SDK1: variants seen among roughly 807,000 people sequenced by gnomAD.
The protein encoded by SDK1 is protein sidekick-1.
SDK1 carries 157 observed loss-of-function variants against 245.5 expected under a neutral mutation model. That is an observed-to-expected ratio of 0.64 (90% CI 0.56 to 0.73). The LOEUF (loss-of-function observed/expected upper bound fraction) is 0.73, where lower values mean the gene tolerates loss of function less well. SDK1 is among the 30% of genes least tolerant of loss of function. The pLI is 0.00. For missense variants in SDK1, 3,583 were observed against 3,002.3 expected, an observed-to-expected ratio of 1.19 and a Z score of -4.52; for synonymous variants, 1,647 against 1,278.5, an observed-to-expected ratio of 1.29 and a Z score of -6.15.
At chr7:3,813,149 T>A (rs1779425462) in intron 4 of SDK1, among the ~76,000 whole-genome samples, 1 of 151,310 alleles carries the variant, frequency 6.6e-6, no homozygotes, top group African/African-American at 2.4e-5. Context: ...TTAGGGTACA[T>A]GTGCACATTG....
At chr7:3,705,301 T>C (rs1784852494) in intron 4 of SDK1, among the ~76,000 whole-genome samples, 1 of 152,094 alleles carries the variant, frequency 6.6e-6, no homozygotes, top group African/African-American at 2.4e-5. Context: ...TTCATGATAC[T>C]GATTCTTTCA....
At chr7:4,048,111 G>A (rs1188116834) in intron 17 of SDK1, among the ~76,000 whole-genome samples, 2 of 152,164 alleles carry the variant, frequency 1.3e-5, no homozygotes, top group Non-Finnish European at 1.5e-5. Flanking sequence ...TTTGGGGAAG[G>A]GAGCCGAGAA....
At chr7:3,757,654 T>A (rs183167593) in intron 4 of SDK1, among the ~76,000 whole-genome samples, 30 of 152,270 alleles carry the variant, frequency 2.0e-4, no homozygotes, top group African/African-American at 6.7e-4. Flanking sequence ...CCAAGCTCTC[T>A]CCAGGCGCAA....
At chr7:3,324,982 A>G (rs535412687) in intron 1 of SDK1, among the ~76,000 whole-genome samples, 9 of 152,280 alleles carry the variant, frequency 5.9e-5, no homozygotes, top group African/African-American at 2.2e-4. Flanking sequence ...TTCAAGCCAC[A>G]TATAGTGTGG....
chr7:3,794,237 C>T (rs1262169530), intron 4 of SDK1, among the ~76,000 whole-genome samples: 3 of 152,122 alleles, frequency 2.0e-5, no homozygotes, highest in African/African-American at 7.2e-5. Context: ...GCAGCATGGC[C>T]GAATGTCCCT....
intron 5 of SDK1, among the ~76,000 whole-genome samples, chr7:3,928,977 T>C (rs2128116478): frequency 6.6e-6 from 1 of 152,308 alleles, no homozygotes; most frequent in Non-Finnish European, 1.5e-5. Context: ...AAAACCTGTC[T>C]CACTAGACCC....
intron 2 of SDK1, among the ~76,000 whole-genome samples, chr7:3,624,096 C>T (rs757083103): frequency 6.6e-6 from 1 of 152,144 alleles, no homozygotes; most frequent in Non-Finnish European, 1.5e-5. Flanking sequence ...AAAGATGATA[C>T]TTATGTAGGA....
chr7:3,806,015 T>C (rs1237612365), intron 4 of SDK1, among the ~76,000 whole-genome samples: 1 of 152,162 alleles, frequency 6.6e-6, no homozygotes, highest in East Asian at 1.9e-4. Context: ...TATAGATCTC[T>C]GTTGCTACCA....
intron 1 of SDK1, among the ~76,000 whole-genome samples, chr7:3,568,209 G>C (rs550002078): frequency 1.3e-5 from 2 of 152,162 alleles, no homozygotes; most frequent in African/African-American, 4.8e-5. Flanking sequence ...TTAATATGTA[G>C]TTTAATATGC....
At chr7:3,927,859 A>C (rs550672690) in intron 5 of SDK1, among the ~76,000 whole-genome samples, 1 of 152,328 alleles carries the variant, frequency 6.6e-6, no homozygotes, top group East Asian at 1.9e-4. Flanking sequence ...GTTCTTTCCT[A>C]AGTTAACAAA....
chr7:3,434,312 A>AAG (rs1037134125), intron 1 of SDK1, among the ~76,000 whole-genome samples: 28 of 152,264 alleles, frequency 1.8e-4, no homozygotes, highest in African/African-American at 6.5e-4. Context: ...AGGAGCCTGT[A>AAG]AGAGAATTTC....
intron 1 of SDK1, among the ~76,000 whole-genome samples, chr7:3,513,801 A>G (rs908639063): frequency 6.6e-6 from 1 of 152,080 alleles, no homozygotes; most frequent in Non-Finnish European, 1.5e-5. Context: ...CACCCTTAGT[A>G]GTCCCCAGTG....
intron 1 of SDK1, among the ~76,000 whole-genome samples, chr7:3,502,966 A>G (rs1782266564): frequency 1.3e-5 from 2 of 152,234 alleles, no homozygotes; most frequent in Admixed American, 6.5e-5. Context: ...AACTGTTTGT[A>G]AAATATTTTG....
intron 5 of SDK1, among the ~76,000 whole-genome samples, chr7:3,836,608 G>A (rs1047526572): frequency 6.6e-6 from 1 of 152,182 alleles, no homozygotes; most frequent in African/African-American, 2.4e-5. Context: ...CTAAGATTCA[G>A]AAACATTTCT....
At position 3,687,177 on chromosome 7, in the gene SDK1, CT is replaced by C. The variant is rs34903598; in HGVS notation, c.713+45085del. The stretch of plus-strand genomic sequence containing the variant: ...ACACAAAAGTCTGTACACAAATGTT[CT>C]TTTTTTTTTTTTGAGATAGAGTCTC... On this transcript the variant is annotated intron_variant, in intron 4 of 44. Coordinates refer to ENST00000404826, the MANE Select transcript of SDK1 (RefSeq NM_152744.4). Among the ~76,000 whole-genome samples the C allele has an allele frequency of 3.2e-3, 452 of 143,160 alleles. 3 individuals are homozygous for C. The highest frequency in any genetic ancestry group is 0.01 in the African/African-American group (398 of 38,498). 93.9% of individuals were successfully genotyped at this position (143,160 alleles called of 152,430 possible).
intron 5 of SDK1, among the ~76,000 whole-genome samples, chr7:3,920,935 G>C (rs1779563849): frequency 6.6e-6 from 1 of 152,216 alleles, no homozygotes; most frequent in Non-Finnish European, 1.5e-5. Flanking sequence ...AGGGGCACAA[G>C]TGATTAAATA....
At chr7:3,835,416 C>A (rs146638245) in intron 5 of SDK1, among the ~76,000 whole-genome samples, 1 of 152,162 alleles carries the variant, frequency 6.6e-6, no homozygotes, top group South Asian at 2.1e-4. Context: ...CCCTGTTGAA[C>A]CTAATATCAG....
chr7:3,748,370 C>G (rs1041558321), intron 4 of SDK1, among the ~76,000 whole-genome samples: 1 of 152,076 alleles, frequency 6.6e-6, no homozygotes, highest in South Asian at 2.1e-4. Context: ...TTGAGAAAAA[C>G]AGATTTAGTT....
intron 35 of SDK1, among the ~76,000 whole-genome samples, chr7:4,201,924 G>C (rs1313241284): frequency 1.3e-5 from 2 of 152,230 alleles, no homozygotes. Flanking sequence ...AGTGGCTCTA[G>C]CAGTAGGATG....
Sources: allele counts gnomAD v4.1 joint callset (sites outside exome capture counted in the v4.1 genomes callset), GRCh38; gene constraint gnomAD v4.1.1; transcripts MANE v1.5; gene names NCBI Gene and HGNC (gene_info 2026-07-23, HGNC 2026-07-21).